PEX26: variants seen among roughly 807,000 people sequenced by gnomAD.
PEX26 encodes peroxisome assembly protein 26.
PEX26 carries 18 observed loss-of-function variants against 31.4 expected under a neutral mutation model. That is an observed-to-expected ratio of 0.57 (90% CI 0.40 to 0.85). PEX26 has a LOEUF of 0.85. Among genes scored for constraint, PEX26 ranks in the 40% least tolerant of loss-of-function variants. The probability of loss-of-function intolerance (pLI) is 0.00; values close to 1 mark genes in which losing one functional copy is unlikely to be tolerated. For synonymous variants in PEX26, 176 were observed against 166.9 expected (o/e 1.05, Z -0.42); for missense variants, 377 against 383.9 (o/e 0.98, Z 0.15).
chr22:18,079,773 G>C (rs1483861101), intron 1 of PEX26, 101 bp from the exon 2 acceptor site: 1 of 1,313,144 alleles, frequency 7.6e-7, no homozygotes, highest in African/African-American at 1.4e-5. Flanking sequence ...AGAGATGATG[G>C]CTGCTGAGTT....
intron 2 of PEX26, among the ~76,000 whole-genome samples, chr22:18,081,082 C>T (rs1204126448): frequency 6.7e-6 from 1 of 149,402 alleles, no homozygotes; most frequent in Non-Finnish European, 1.5e-5. Flanking sequence ...AACATGATGT[C>T]CCCCAGGTCC....
At chr22:18,086,216 T>A (rs1926838103) in intron 4 of PEX26, among the ~76,000 whole-genome samples, 1 of 152,136 alleles carries the variant, frequency 6.6e-6, no homozygotes, top group African/African-American at 2.4e-5. Flanking sequence ...GGAGCATTGC[T>A]TGAACCCAGG....
intron 4 of PEX26, among the ~76,000 whole-genome samples, chr22:18,086,408 C>T (rs973912406): frequency 1.3e-5 from 2 of 152,210 alleles, no homozygotes; most frequent in African/African-American, 4.8e-5. Context: ...AGATTGTAGG[C>T]AGTTACATGT....
rs1000563323 is a variant in PEX26, at chr22:18,098,705, G to A, written c.*10630G>A. On this transcript the variant is annotated 3_prime_UTR_variant, in exon 5 of 5. Transcript: ENST00000399744. ...ATATTATTGTGTAAAATGAGTAAAA[G>A]TCTATAAGAAAAACTTTGAAAAGTA... 2 of 151,674 alleles carry A rather than the reference G, an allele frequency of 1.3e-5. No individual in the cohort carries two copies. Among genetic ancestry groups the A allele is most frequent in the Non-Finnish European group, 2.9e-5 (2 of 67,978 alleles). 9.4% of individuals were successfully genotyped at this position (151,674 alleles called of 1,614,324 possible). A position where few individuals can be genotyped will look rare whatever the true frequency, so the allele number is the denominator to read the frequency against.
chr22:18,079,308 AGGT>A lies in PEX26; in HGVS notation c.231-562_231-560del, dbSNP rs946245297. 7 of 817,010 alleles carry A rather than the reference AGGT, an allele frequency of 8.6e-6. No homozygotes were observed. In the African/African-American group the frequency reaches 1.1e-4, roughly 13 times the overall value. 50.6% of individuals were successfully genotyped at this position (817,010 alleles called of 1,614,324 possible). On this transcript the variant is annotated intron_variant, in intron 1 of 4. Coordinates refer to ENST00000399744, the MANE Select transcript of PEX26 (RefSeq NM_001127649.3). ...AAACTTGGGTTAGGCCACGCTAGGG[AGGT>A]GGTAGGTAGAATAGCTAAAGTTGAC...
chr22:18,084,166 G>A (rs569643972), intron 3 of PEX26, among the ~76,000 whole-genome samples: 3 of 151,296 alleles, frequency 2.0e-5, no homozygotes, highest in African/African-American at 7.3e-5. Context: ...AATCTTTTCC[G>A]CCCTTTTCCT....
At chr22:18,085,330 G>A (rs1926800620) in intron 4 of PEX26, 72 bp downstream of exon 4, 2 of 1,504,184 alleles carry the variant, frequency 1.3e-6, no homozygotes, top group Non-Finnish European at 1.8e-6. Flanking sequence ...GTGGGAGTGG[G>A]TGTTTGTCAG....
Position 18,093,431 on chromosome 22 carries a change from CGGGT to C in PEX26, c.*5358_*5361del. 6.6e-6 allele frequency: 1 copy of C among 152,080 alleles called. No homozygotes were observed. The highest frequency in any genetic ancestry group is 2.1e-4 in the South Asian group (1 of 4,820). The allele number at this position is 152,080 out of a possible 1,614,324, so 9.4% of individuals were successfully genotyped here. ...ACAAAAAATTAGCCGGGCGTGGTGGCGGGTGCCTGTAGCCCCAGCTACTCGGGAG... is the reference window on the plus strand; with the variant it reads ...ACAAAAAATTAGCCGGGCGTGGTGGCGCCTGTAGCCCCAGCTACTCGGGAG... On this transcript the variant is annotated 3_prime_UTR_variant, in exon 5 of 5. Coordinates refer to ENST00000399744, the MANE Select transcript of PEX26 (RefSeq NM_001127649.3).
chr22:18,104,036 T>C lies in PEX26; in HGVS notation c.*15961T>C, dbSNP rs560340309. 6.6e-6 allele frequency: 1 copy of C among 152,234 alleles called. No individual in the cohort carries two copies. Among genetic ancestry groups the C allele is most frequent in the South Asian group, 2.1e-4 (1 of 4,822 alleles). 9.4% of individuals were successfully genotyped at this position (152,234 alleles called of 1,614,324 possible). On this transcript the variant is annotated 3_prime_UTR_variant, in exon 5 of 5. Transcript: ENST00000399744. ...AAGATTGGGTACTTTGCAATACTCA[T>C]AGCAATATGTGAAGTGATTGGAAAA...
In PEX26 at chr22:18,079,855, T is replaced by C. The variant is rs371362038; in HGVS notation, c.231-19T>C. ...GGAGGGGAACCACTTCTAACTGAAA[T>C]TGGTTTTTCTGCTGACAGCTCATTG... On this transcript the variant is annotated intron_variant, in intron 1 of 4. Transcript: ENST00000399744. 28 of 1,613,772 alleles carry C rather than the reference T, an allele frequency of 1.7e-5. No individual in the cohort carries two copies. The highest frequency in any genetic ancestry group is 2.4e-5 in the Non-Finnish European group (28 of 1,179,928).
At chr22:18,080,228 G>A (rs1043607130) in intron 2 of PEX26, among the ~76,000 whole-genome samples, 3 of 150,778 alleles carry the variant, frequency 2.0e-5, no homozygotes, top group African/African-American at 7.2e-5. Context: ...GGAGGAAACA[G>A]GGAATAGGAG....
Position 18,089,345 on chromosome 22 carries a change from G to C in PEX26, c.*1270G>C, listed in dbSNP as rs1926981549. ...AACTGAGTAATCAGGTGAGCTGGAA[G>C]GGATGTGGGGGGCGGGGCAGACGGG... is the stretch of plus-strand genomic sequence containing the variant. On this transcript the variant is annotated 3_prime_UTR_variant, in exon 5 of 5. Transcript: ENST00000399744. 3 of 152,772 alleles carry C rather than the reference G, an allele frequency of 2.0e-5. No homozygotes were observed. Among genetic ancestry groups the C allele is most frequent in the Admixed American group, 2.0e-4 (3 of 15,278 alleles). The allele number at this position is 152,772 out of a possible 1,614,324, so 9.5% of individuals were successfully genotyped here.
rs556490080 is a variant in PEX26, at chr22:18,091,663, C to T, written c.*3588C>T. On this transcript the variant is annotated 3_prime_UTR_variant, in exon 5 of 5. Coordinates refer to ENST00000399744, the MANE Select transcript of PEX26 (RefSeq NM_001127649.3). ...TCAGAAACGAAACAAAACACAAAAA[C>T]CTTTCTCAGTCCCAGCATATGTGGA... 2.0e-5 allele frequency: 3 copies of T among 152,350 alleles called. No homozygotes were observed. Among genetic ancestry groups the T allele is most frequent in the African/African-American group, 7.2e-5 (3 of 41,552 alleles). The allele number at this position is 152,350 out of a possible 1,614,324, so 9.4% of individuals were successfully genotyped here. A position where few individuals can be genotyped will look rare whatever the true frequency, so the allele number is the denominator to read the frequency against.
In PEX26 at chr22:18,091,781, A is replaced by G. The variant is rs994733280; in HGVS notation, c.*3706A>G. The G allele has an allele frequency of 1.3e-5, 2 of 152,216 alleles. No individual in the cohort carries two copies. Among genetic ancestry groups the G allele is most frequent in the Non-Finnish European group, 2.9e-5 (2 of 68,084 alleles). The allele number at this position is 152,216 out of a possible 1,614,324, so 9.4% of individuals were successfully genotyped here. ...GCCCTTTTCCTTTTTAATATGTGGAAACCCCTCCATGCTTTCCAAAGCCTA... is the reference window on the plus strand; with the variant it reads ...GCCCTTTTCCTTTTTAATATGTGGAGACCCCTCCATGCTTTCCAAAGCCTA... On this transcript the variant is annotated 3_prime_UTR_variant, in exon 5 of 5. Coordinates refer to ENST00000399744, the MANE Select transcript of PEX26 (RefSeq NM_001127649.3).
Position 18,087,764 on chromosome 22 carries a change from G to C in PEX26, c.815-208G>C, listed in dbSNP as rs182483448. Reference sequence around the variant, plus strand: ...AACCTGCACCTGCAGGCTGAGGATCGCATGAGCCCCAGAGATTGAGGCTGC... The same window carrying C: ...AACCTGCACCTGCAGGCTGAGGATCCCATGAGCCCCAGAGATTGAGGCTGC... On this transcript the variant is annotated intron_variant, in intron 4 of 4. Transcript: ENST00000399744. Among the ~76,000 whole-genome samples, 696 of 152,290 alleles carry C rather than the reference G, an allele frequency of 4.6e-3. 1 individual carries two copies. The highest frequency in any genetic ancestry group is 6.9e-3 in the Non-Finnish European group (467 of 68,026).
At position 18,083,608 on chromosome 22, in the gene PEX26, G is replaced by T. The variant is rs759486462; in HGVS notation, c.543G>T (p.Val181=). The change falls in exon 3 of 5, where the codon GTG becomes GTT. Residue 181 remains valine, a synonymous_variant. Transcript: ENST00000399744. ...GCTTATCGGAGGCTGAGGAGCTAGT[G>T]GTGGGCTCTGCAGCCTTTGGTGAGG... ...LGCLSEAEEL[V]VGSAAFGEER... The T allele has an allele frequency of 3.7e-6, 6 of 1,614,102 alleles. No individual in the cohort carries two copies. In the East Asian group the frequency reaches 1.3e-4, roughly 36 times the overall value.
In PEX26 at chr22:18,104,693, T is replaced by C. The variant is rs1927566810; in HGVS notation, c.*16618T>C. On this transcript the variant is annotated 3_prime_UTR_variant, in exon 5 of 5. Transcript: ENST00000399744. The stretch of plus-strand genomic sequence containing the variant: ...CGCTCCCAGTGCTCACTGCCTCTTG[T>C]TCTCACTGCCTCCTGTTCTCACTGC... 6.5e-6 allele frequency: 1 copy of C among 152,746 alleles called. No homozygotes were observed. The highest frequency in any genetic ancestry group is 1.5e-5 in the Non-Finnish European group (1 of 68,388). The allele number at this position is 152,746 out of a possible 1,614,324, so 9.5% of individuals were successfully genotyped here. A position where few individuals can be genotyped will look rare whatever the true frequency, so the allele number is the denominator to read the frequency against.
rs1031086372 is a variant in PEX26 at position 18,100,400 on chromosome 22, A to G, written c.*12325A>G. The G allele has an allele frequency of 1.3e-5, 2 of 151,984 alleles. No homozygotes were observed. The highest frequency in any genetic ancestry group is 1.5e-5 in the Non-Finnish European group (1 of 68,014). The allele number at this position is 151,984 out of a possible 1,614,324, so 9.4% of individuals were successfully genotyped here. On this transcript the variant is annotated 3_prime_UTR_variant, in exon 5 of 5. Coordinates refer to ENST00000399744, the MANE Select transcript of PEX26 (RefSeq NM_001127649.3). ...AGCTCTTTCTAACTAAAAAATAATA[A>G]TAATAATAATAAAAAATAAAAGATG...
In PEX26 at chr22:18,103,998, G is replaced by T. The variant is rs1240634577; in HGVS notation, c.*15923G>T. ...TTCTGCTCTTCCAACATACTGCCAG[G>T]ACGTGGTCCAGAAAGATTGGGTACT... On this transcript the variant is annotated 3_prime_UTR_variant, in exon 5 of 5. Coordinates refer to ENST00000399744, the MANE Select transcript of PEX26 (RefSeq NM_001127649.3). 2 of 152,130 alleles carry T rather than the reference G, an allele frequency of 1.3e-5. No individual in the cohort carries two copies. The highest frequency in any genetic ancestry group is 2.9e-5 in the Non-Finnish European group (2 of 68,036). 9.4% of individuals were successfully genotyped at this position (152,130 alleles called of 1,614,324 possible).
Sources: gnomAD v4.1 joint callset for allele counts (sites outside exome capture counted in the v4.1 genomes callset) on GRCh38, gnomAD v4.1.1 for gene constraint, MANE v1.5 for transcripts, NCBI Gene and HGNC (gene_info 2026-07-23, HGNC 2026-07-21) for gene names.